Variants in TPRG1 observed in about 807,000 individuals in gnomAD.
The protein encoded by TPRG1 is tumor protein p63-regulated gene 1 protein.
Under a neutral mutation model 29.3 loss-of-function variants are expected in TPRG1, and 29 were observed. The observed-to-expected ratio is 0.99, with a 90% CI of 0.74 to 1.35. The LOEUF (loss-of-function observed/expected upper bound fraction) is 1.35, where lower values mean the gene tolerates loss of function less well. Among genes scored for constraint, TPRG1 ranks in the 40% most tolerant of loss-of-function variants. TPRG1 has a pLI of 0.00. For synonymous variants in TPRG1, 130 were observed against 116.8 expected (o/e 1.11, Z -0.73); for missense variants, 327 against 335.0 (o/e 0.98, Z 0.19).
At chr3:189,216,645 C>T (rs546287808) in intron 3 of TPRG1, among the ~76,000 whole-genome samples, 61 of 152,296 alleles carry the variant, frequency 4.0e-4, no homozygotes, top group Middle Eastern at 3.4e-3. Context: ...TGCCCCTCTT[C>T]GTTCACAAGT....
rs377408058 is a variant in TPRG1, at chr3:189,272,452, AT to A, written c.479+33552del. Among the ~76,000 whole-genome samples, 19 of 151,162 alleles carry A rather than the reference AT, an allele frequency of 1.3e-4. No homozygotes were observed. In the East Asian group the frequency reaches 3.5e-3, roughly 28 times the overall value. On this transcript the variant is annotated intron_variant, in intron 4 of 5. Transcript: ENST00000345063. ...GAGCTTTCAGATTTAATTTGTGTGT[AT>A]TTTTTTTTCCTACTAATATACATCG...
At chr3:189,239,615 G>A (rs1740181952) in intron 4 of TPRG1, among the ~76,000 whole-genome samples, 1 of 152,180 alleles carries the variant, frequency 6.6e-6, no homozygotes, top group Non-Finnish European at 1.5e-5. Context: ...ATATTGGGCA[G>A]GAGTTAGCCA....
rs545093618 is a variant in TPRG1 at position 189,068,618 on chromosome 3, T to C, written c.-463+44672T>C. Among the ~76,000 whole-genome samples the C allele has an allele frequency of 2.2e-3, 336 of 152,118 alleles. 2 individuals carry two copies. Among genetic ancestry groups the C allele is most frequent in the African/African-American group, 7.9e-3 (329 of 41,494 alleles). Reference sequence around the variant, plus strand: ...AGTGAAACCCCGTCTCTACTAAAAATATAAAAAATTAGCCAGGCGTGGTGG... The same window carrying C: ...AGTGAAACCCCGTCTCTACTAAAAACATAAAAAATTAGCCAGGCGTGGTGG... On this transcript the variant is annotated intron_variant, in intron 4 of 10. Transcript: ENST00000433971.
rs181790220 is a variant in TPRG1, at chr3:189,147,163, G to A, written c.-290-421G>A. ...ACCACTACACTATCTACAGAAGGAAGAGGAGGGAAGAGTTATCCAGTGATC... is the reference window on the plus strand; with the variant it reads ...ACCACTACACTATCTACAGAAGGAAAAGGAGGGAAGAGTTATCCAGTGATC... On this transcript the variant is annotated intron_variant, in intron 3 of 6. Coordinates refer to the TPRG1 transcript ENST00000412373. 1.8e-3 allele frequency among the ~76,000 whole-genome samples: 271 copies of A among 152,336 alleles called. 2 individuals are homozygous for A. In the South Asian group the frequency reaches 0.019, roughly 11 times the overall value.
At chr3:189,186,754 A>G (rs1730971223) in intron 1 of TPRG1, among the ~76,000 whole-genome samples, 2 of 112,138 alleles carry the variant, frequency 1.8e-5, no homozygotes, top group Non-Finnish European at 3.8e-5. Context: ...CCTAGTACAT[A>G]TGAAAAAAAA....
chr3:189,005,772 T>A (rs1053840232), intron 3 of TPRG1, among the ~76,000 whole-genome samples: 1 of 152,070 alleles, frequency 6.6e-6, no homozygotes, highest in African/African-American at 2.4e-5. Flanking sequence ...TTTTCATTAC[T>A]TTTAAAAGGC....
intron 3 of TPRG1, among the ~76,000 whole-genome samples, chr3:189,137,298 G>A (rs1457791856): frequency 4.8e-5 from 2 of 41,366 alleles, no homozygotes; most frequent in African/African-American, 4.8e-4. Context: ...ACCCCAAAAT[G>A]TGTGTGTGTG....
At chr3:189,084,880 C>T (rs188535916) in intron 4 of TPRG1, among the ~76,000 whole-genome samples, 2 of 152,300 alleles carry the variant, frequency 1.3e-5, no homozygotes, top group East Asian at 3.9e-4. Context: ...AGACTTCGCA[C>T]CCCCAAAGGA....
chr3:189,194,416 T>C (rs1732207971), intron 1 of TPRG1, among the ~76,000 whole-genome samples: 1 of 152,200 alleles, frequency 6.6e-6, no homozygotes, highest in Non-Finnish European at 1.5e-5. Flanking sequence ...ATAGCAGCTG[T>C]GGTGCAAAGG....
chr3:189,190,855 C>A, intron 1 of TPRG1: 1 of 484,358 alleles, frequency 2.1e-6, no homozygotes, highest in Non-Finnish European at 2.7e-6. Flanking sequence ...CATATTCCTA[C>A]TCCCCTCTTA....
chr3:189,043,277 G>A (rs2152135598), intron 4 of TPRG1, among the ~76,000 whole-genome samples: 1 of 152,236 alleles, frequency 6.6e-6, no homozygotes, highest in East Asian at 1.9e-4. Context: ...AACATGATGG[G>A]GATACAGATT....
chr3:189,074,276 G>A (rs931238480), intron 4 of TPRG1, among the ~76,000 whole-genome samples: 5 of 143,010 alleles, frequency 3.5e-5, no homozygotes, highest in Admixed American at 2.2e-4. Context: ...CGCGATCTGC[G>A]CTCATTGCAA....
At chr3:189,269,123 GAACAA>G (rs1484106995) in intron 4 of TPRG1, among the ~76,000 whole-genome samples, 1 of 146,240 alleles carries the variant, frequency 6.8e-6, no homozygotes, top group African/African-American at 2.5e-5. Flanking sequence ...TTTTAAAAAA[GAACAA>G]AACAAGAGCT....
chr3:189,193,852 T>C (rs904048448), intron 1 of TPRG1, among the ~76,000 whole-genome samples: 2 of 149,868 alleles, frequency 1.3e-5, no homozygotes, highest in Admixed American at 1.3e-4. Context: ...TTTTTGGTTG[T>C]TTGTTTCTTG....
intron 4 of TPRG1, among the ~76,000 whole-genome samples, chr3:189,304,644 G>A (rs1160469311): frequency 1.3e-5 from 2 of 152,040 alleles, no homozygotes; most frequent in Non-Finnish European, 2.9e-5. Context: ...GCGTCTTTTG[G>A]GTTCTTGTCA....
chr3:189,123,010 G>T (rs1722016104), intron 1 of TPRG1, among the ~76,000 whole-genome samples: 1 of 152,188 alleles, frequency 6.6e-6, no homozygotes, highest in Admixed American at 6.5e-5. Context: ...GAGAATGAAA[G>T]TGAAAACGCT....
upstream of TPRG1, among the ~76,000 whole-genome samples, chr3:189,167,107 C>T (rs1281387490): frequency 5.3e-5 from 8 of 152,238 alleles, no homozygotes; most frequent in Non-Finnish European, 1.2e-4. Flanking sequence ...TTGCCTGAGT[C>T]GGCTGTGAGA....
intron 1 of TPRG1, among the ~76,000 whole-genome samples, chr3:189,187,983 C>A (rs932300568): frequency 6.6e-6 from 1 of 152,086 alleles, no homozygotes. Flanking sequence ...CAGGCTCCAA[C>A]GGAGGAAGTT....
intron 4 of TPRG1, among the ~76,000 whole-genome samples, chr3:189,092,226 A>G (rs1442650312): frequency 6.6e-6 from 1 of 152,208 alleles, no homozygotes; most frequent in Non-Finnish European, 1.5e-5. Flanking sequence ...AGCAATATGC[A>G]TACAAACCAC....
Sources: allele counts gnomAD v4.1 joint callset (sites outside exome capture counted in the v4.1 genomes callset), GRCh38; gene constraint gnomAD v4.1.1; transcripts MANE v1.5; gene names NCBI Gene and HGNC (gene_info 2026-07-23, HGNC 2026-07-21).